The following FSTL4 variants were observed in gnomAD, a reference collection of about 807,000 sequenced individuals.
The protein encoded by FSTL4 is follistatin-related protein 4.
A neutral mutation model predicts 78.2 loss-of-function variants in FSTL4; 28 were observed. That is an observed-to-expected ratio of 0.36 (90% CI 0.27 to 0.49). The LOEUF (loss-of-function observed/expected upper bound fraction) is 0.49. FSTL4 is among the 20% of genes least tolerant of loss of function. The probability of loss-of-function intolerance (pLI) is 0.98; values close to 1 mark genes in which losing one functional copy is unlikely to be tolerated. For missense variants in FSTL4, 922 were observed against 1,084.9 expected (o/e 0.85, Z 2.11); for synonymous variants, 422 against 440.5 (o/e 0.96, Z 0.53).
chr5:133,756,596 A>G, the FSTL4 span, among the ~76,000 whole-genome samples: 2 of 152,038 alleles, frequency 1.3e-5, no homozygotes, highest in African/African-American at 4.8e-5. Context: ...GGGCTTCTGC[A>G]TACCCCACCT....
intron 7 of FSTL4, among the ~76,000 whole-genome samples, chr5:133,237,462 A>AG (rs138199319): frequency 6.6e-6 from 1 of 152,330 alleles, no homozygotes; most frequent in African/African-American, 2.4e-5. Flanking sequence ...TCAGGTGCTG[A>AG]GGGGTGTGTG....
At chr5:133,473,068 C>T (rs1027154549) in intron 3 of FSTL4, among the ~76,000 whole-genome samples, 1 of 152,224 alleles carries the variant, frequency 6.6e-6, no homozygotes, top group East Asian at 1.9e-4. Flanking sequence ...AGTTCTGACA[C>T]GCCTTCCCCT....
the FSTL4 span, among the ~76,000 whole-genome samples, chr5:133,747,662 C>T: frequency 6.6e-6 from 1 of 152,106 alleles, no homozygotes; most frequent in African/African-American, 2.4e-5. Context: ...ATAAGATCAG[C>T]GATTAGAGAA....
chr5:133,701,953 C>T, the FSTL4 span, among the ~76,000 whole-genome samples: 21 of 152,206 alleles, frequency 1.4e-4, no homozygotes, highest in South Asian at 4.0e-3. Context: ...CATGTCCTGG[C>T]GCCCAGGAAA....
the FSTL4 span, among the ~76,000 whole-genome samples, chr5:133,727,917 A>G: frequency 6.6e-6 from 1 of 152,172 alleles, no homozygotes; most frequent in Non-Finnish European, 1.5e-5. Flanking sequence ...AAGCCCCACT[A>G]GGAACTGAGG....
chr5:133,596,983 G>C (rs1042051794), intron 2 of FSTL4, among the ~76,000 whole-genome samples: 1 of 152,038 alleles, frequency 6.6e-6, no homozygotes, highest in African/African-American at 2.4e-5. Flanking sequence ...AGGCGAGGCT[G>C]GTGGACAGAT....
intron 4 of FSTL4, among the ~76,000 whole-genome samples, chr5:133,324,049 G>A (rs76618311): frequency 0.045 from 6,927 of 152,292 alleles, 220 homozygotes; most frequent in Non-Finnish European, 0.067. Context: ...AGGGAGATAG[G>A]TAGCAGGTAG....
chr5:133,716,615 TG>T, the FSTL4 span, among the ~76,000 whole-genome samples: 3 of 152,158 alleles, frequency 2.0e-5, no homozygotes, highest in African/African-American at 7.2e-5. Context: ...CTTGTCACTG[TG>T]GTATAACTTA....
intron 4 of FSTL4, among the ~76,000 whole-genome samples, chr5:133,322,189 C>T (rs1047257248): frequency 9.9e-5 from 15 of 151,352 alleles, no homozygotes; most frequent in African/African-American, 2.9e-4. Flanking sequence ...CAATCCACCT[C>T]GTCTGTAGGA....
chr5:133,605,497 C>T (rs921713084), intron 1 of FSTL4, among the ~76,000 whole-genome samples: 1 of 152,198 alleles, frequency 6.6e-6, no homozygotes, highest in Non-Finnish European at 1.5e-5. Context: ...CACATAGTCA[C>T]TAGTGCTGAG....
At chr5:133,636,858 C>A in the FSTL4 span, among the ~76,000 whole-genome samples, 1 of 152,090 alleles carries the variant, frequency 6.6e-6, no homozygotes. Context: ...TGAACAACAA[C>A]TGAACATTGG....
At chr5:133,415,766 T>C (rs552491753) in intron 3 of FSTL4, among the ~76,000 whole-genome samples, 22 of 152,308 alleles carry the variant, frequency 1.4e-4, no homozygotes, top group African/African-American at 4.8e-4. Context: ...TTATCTTATA[T>C]GCAGGAGAAT....
At chr5:133,327,038 GC>G (rs1158242109) in intron 4 of FSTL4, among the ~76,000 whole-genome samples, 1 of 152,208 alleles carries the variant, frequency 6.6e-6, no homozygotes, top group African/African-American at 2.4e-5. Flanking sequence ...GAAAACTGAG[GC>G]CCAGGGTGGG....
chr5:133,214,633 A>T (rs531572284), intron 13 of FSTL4, among the ~76,000 whole-genome samples: 7 of 152,310 alleles, frequency 4.6e-5, no homozygotes, highest in Admixed American at 4.6e-4. Context: ...ACTCAAAAAG[A>T]AGTTCATCTA....
At chr5:133,533,117 A>G (rs1216630868) in intron 3 of FSTL4, among the ~76,000 whole-genome samples, 1 of 152,214 alleles carries the variant, frequency 6.6e-6, no homozygotes, top group Non-Finnish European at 1.5e-5. Flanking sequence ...AGAGCTACCA[A>G]AAATAATCCT....
At chr5:133,200,648 A>C (rs965231690) in intron 15 of FSTL4, among the ~76,000 whole-genome samples, 2 of 152,210 alleles carry the variant, frequency 1.3e-5, no homozygotes. Flanking sequence ...GCTGGTTGGA[A>C]GTATGGAAAA....
intron 3 of FSTL4, among the ~76,000 whole-genome samples, chr5:133,527,437 A>T (rs1447412672): frequency 6.6e-6 from 1 of 151,842 alleles, no homozygotes. Flanking sequence ...TCAGCCTCTC[A>T]GTTGTGATCT....
chr5:133,645,916 A>C, the FSTL4 span, among the ~76,000 whole-genome samples: 1 of 152,172 alleles, frequency 6.6e-6, no homozygotes, highest in African/African-American at 2.4e-5. Context: ...GGGTGGCTGC[A>C]AACAGCAGAC....
chr5:133,292,226 T>G (rs1753280655), intron 6 of FSTL4, among the ~76,000 whole-genome samples: 1 of 152,196 alleles, frequency 6.6e-6, no homozygotes, highest in African/African-American at 2.4e-5. Context: ...AAGTCCACCT[T>G]GCCATGCAGC....
Sources: allele counts gnomAD v4.1 joint callset (sites outside exome capture counted in the v4.1 genomes callset), GRCh38; gene constraint gnomAD v4.1.1; transcripts MANE v1.5; gene names NCBI Gene and HGNC (gene_info 2026-07-23, HGNC 2026-07-21).